The following B3GALT1 variants were observed in gnomAD, a reference collection of about 807,000 sequenced individuals.
B3GALT1 encodes the protein beta-1,3-galactosyltransferase 1.
B3GALT1 carries 10 observed loss-of-function variants against 23.2 expected under a neutral mutation model. That is an observed-to-expected ratio of 0.43 (90% CI 0.27 to 0.73). The LOEUF is 0.73. B3GALT1 is among the 30% of genes least tolerant of loss of function. The pLI, the probability that B3GALT1 is intolerant of heterozygous loss-of-function variation, is 0.21. For missense variants in B3GALT1, 299 were observed against 405.4 expected (o/e 0.74, Z 2.25); for synonymous variants, 156 against 141.5 (o/e 1.10, Z -0.73).
At chr2:167,512,578 A>ATATG (rs1553463246) in intron 2 of B3GALT1, among the ~76,000 whole-genome samples, 5 of 92,344 alleles carry the variant, frequency 5.4e-5, no homozygotes, top group African/African-American at 2.3e-4. Context: ...GTATATATAT[A>ATATG]TGTATATATA....
chr2:167,332,895 A>T (rs1351935677), intron 1 of B3GALT1, among the ~76,000 whole-genome samples: 2 of 152,218 alleles, frequency 1.3e-5, no homozygotes, highest in African/African-American at 2.4e-5. Flanking sequence ...CAACACTATT[A>T]ATCAGTACAT....
intron 3 of B3GALT1, among the ~76,000 whole-genome samples, chr2:167,654,892 A>G (rs533905984): frequency 6.6e-6 from 1 of 151,942 alleles, no homozygotes; most frequent in East Asian, 1.9e-4. Flanking sequence ...CCCCCAGGTA[A>G]CTACCCACTA....
chr2:167,396,701 G>A (rs1698104521), intron 1 of B3GALT1, among the ~76,000 whole-genome samples: 1 of 151,758 alleles, frequency 6.6e-6, no homozygotes, highest in Admixed American at 6.6e-5. Context: ...ACACAGAAGA[G>A]CCCAGTGCCT....
chr2:167,618,849 C>G (rs915457239), intron 2 of B3GALT1, among the ~76,000 whole-genome samples: 1 of 151,954 alleles, frequency 6.6e-6, no homozygotes, highest in African/African-American at 2.4e-5. Flanking sequence ...CTTAGTGCAT[C>G]AAGAACCAAA....
chr2:167,675,793 C>A (rs1214232269), intron 3 of B3GALT1, among the ~76,000 whole-genome samples: 1 of 151,886 alleles, frequency 6.6e-6, no homozygotes, highest in East Asian at 1.9e-4. Flanking sequence ...ATTAGGTTTA[C>A]AGCCTTCTGT....
At position 167,390,170 on chromosome 2, in the gene B3GALT1, G is replaced by A. The variant is rs192177971; in HGVS notation, c.-511+96836G>A. 5.3e-5 allele frequency among the ~76,000 whole-genome samples: 8 copies of A among 152,242 alleles called. 1 individual carries two copies. The East Asian group carries it at 1.5e-3, about 29-fold the overall frequency. ...TGCCCCAGCTGGGATTTATCTGAGA[G>A]GCTGAATCCAGAGCCATGTGCAAGT... On this transcript the variant is annotated intron_variant, in intron 1 of 4. Transcript: ENST00000392690.
At chr2:167,512,598 A>ATATATATATG (rs1455685461) in intron 2 of B3GALT1, among the ~76,000 whole-genome samples, 11 of 108,226 alleles carry the variant, frequency 1.0e-4, no homozygotes, top group African/African-American at 5.2e-4. Context: ...ATATGTGTAT[A>ATATATATATG]TATATATATG....
chr2:167,445,976 T>C (rs1227338082), intron 1 of B3GALT1, among the ~76,000 whole-genome samples: 1 of 152,222 alleles, frequency 6.6e-6, no homozygotes, highest in Non-Finnish European at 1.5e-5. Flanking sequence ...CTTTACAGTT[T>C]GGCATGTTTT....
chr2:167,658,795 A>G (rs1011153686), intron 3 of B3GALT1, among the ~76,000 whole-genome samples: 1 of 152,112 alleles, frequency 6.6e-6, no homozygotes, highest in Non-Finnish European at 1.5e-5. Flanking sequence ...GTACAATATG[A>G]CATATAGGAG....
chr2:167,422,973 T>A (rs1278473800), intron 1 of B3GALT1, among the ~76,000 whole-genome samples: 1 of 152,096 alleles, frequency 6.6e-6, no homozygotes, highest in Non-Finnish European at 1.5e-5. Context: ...AGAAAAGACA[T>A]GATCCATGCC....
At chr2:167,735,099 C>T (rs1311760399) in intron 3 of B3GALT1, among the ~76,000 whole-genome samples, 1 of 152,094 alleles carries the variant, frequency 6.6e-6, no homozygotes, top group African/African-American at 2.4e-5. Flanking sequence ...GGAATACAAT[C>T]GTAAATATAA....
intron 1 of B3GALT1, among the ~76,000 whole-genome samples, chr2:167,367,632 A>T (rs143088427): frequency 6.6e-6 from 1 of 152,186 alleles, no homozygotes; most frequent in South Asian, 2.1e-4. Flanking sequence ...TGAAAAATCA[A>T]CCATTGTCAA....
At chr2:167,709,473 C>G (rs1227849795) in intron 3 of B3GALT1, among the ~76,000 whole-genome samples, 1 of 152,028 alleles carries the variant, frequency 6.6e-6, no homozygotes, top group East Asian at 1.9e-4. Context: ...CCCCAGGGCT[C>G]AAGATGTCAT....
At chr2:167,369,836 A>G (rs1237817339) in intron 1 of B3GALT1, among the ~76,000 whole-genome samples, 1 of 152,252 alleles carries the variant, frequency 6.6e-6, no homozygotes. Flanking sequence ...ACATTGAACT[A>G]AAGAGCAAAG....
chr2:167,498,299 T>A (rs181065115), intron 2 of B3GALT1, among the ~76,000 whole-genome samples: 1 of 152,322 alleles, frequency 6.6e-6, no homozygotes, highest in East Asian at 1.9e-4. Context: ...AAGAAACACA[T>A]GGTTATAAGA....
At chr2:167,804,300 T>C (rs1023894414) in intron 3 of B3GALT1, among the ~76,000 whole-genome samples, 36 of 149,056 alleles carry the variant, frequency 2.4e-4, no homozygotes, top group Non-Finnish European at 4.3e-4. Flanking sequence ...TCAAAATTTC[T>C]TTTTTGTTTT....
At chr2:167,706,376 A>G (rs1341656092) in intron 3 of B3GALT1, among the ~76,000 whole-genome samples, 2 of 152,218 alleles carry the variant, frequency 1.3e-5, no homozygotes, top group Admixed American at 6.5e-5. Context: ...CCTAATGTGT[A>G]TACTCCAGAG....
intron 1 of B3GALT1, among the ~76,000 whole-genome samples, chr2:167,481,213 T>A (rs1447736542): frequency 3.3e-5 from 4 of 119,820 alleles, no homozygotes; most frequent in Non-Finnish European, 6.7e-5. Flanking sequence ...GCTGCTTATA[T>A]ATGGTAAAAA....
intron 3 of B3GALT1, among the ~76,000 whole-genome samples, chr2:167,759,538 G>T (rs1687868584): frequency 6.6e-6 from 1 of 152,168 alleles, no homozygotes; most frequent in Non-Finnish European, 1.5e-5. Flanking sequence ...AAGTTAAAAT[G>T]AAAGTAACCA....
Sources: allele counts gnomAD v4.1 joint callset (sites outside exome capture counted in the v4.1 genomes callset), GRCh38; gene constraint gnomAD v4.1.1; transcripts MANE v1.5; gene names NCBI Gene and HGNC (gene_info 2026-07-23, HGNC 2026-07-21).